RGS7: variants seen among roughly 807,000 people sequenced by gnomAD.
The protein encoded by RGS7 is regulator of G protein signaling 7, also known as regulator of G-protein signaling 7.
In RGS7, 27 loss-of-function variants were observed where a neutral mutation model predicts 81.1. The observed-to-expected ratio is 0.33, with a 90% CI of 0.25 to 0.46. The LOEUF is 0.46. Among genes scored for constraint, RGS7 ranks in the 20% least tolerant of loss-of-function variants. The pLI is 1.00. For missense variants in RGS7, 396 were observed against 607.4 expected, an observed-to-expected ratio of 0.65 and a Z score of 3.66; for synonymous variants, 208 against 207.7, an observed-to-expected ratio of 1.00 and a Z score of -0.01.
At chr1:241,161,783 C>T (rs890950828) in intron 2 of RGS7, among the ~76,000 whole-genome samples, 1 of 150,482 alleles carries the variant, frequency 6.6e-6, no homozygotes, top group Non-Finnish European at 1.5e-5. Flanking sequence ...AATGGCACCA[C>T]CTCGGCTCAC....
chr1:240,848,284 T>C (rs1659459135), intron 9 of RGS7, among the ~76,000 whole-genome samples: 1 of 152,212 alleles, frequency 6.6e-6, no homozygotes, highest in Non-Finnish European at 1.5e-5. Flanking sequence ...CTTTGGAAAA[T>C]GTGCCAATTT....
At chr1:241,288,788 T>C (rs2078949741) in intron 2 of RGS7, among the ~76,000 whole-genome samples, 1 of 152,164 alleles carries the variant, frequency 6.6e-6, no homozygotes, top group Admixed American at 6.6e-5. Flanking sequence ...GTCAAGAAAT[T>C]GAGGACTTGC....
intron 3 of RGS7, among the ~76,000 whole-genome samples, chr1:241,098,359 C>A (rs766792464): frequency 6.6e-6 from 1 of 152,212 alleles, no homozygotes; most frequent in Non-Finnish European, 1.5e-5. Context: ...TTTTCACCCT[C>A]CTAATTTCCA....
intron 3 of RGS7, among the ~76,000 whole-genome samples, chr1:241,007,830 G>T (rs561916956): frequency 6.6e-6 from 1 of 152,240 alleles, no homozygotes; most frequent in Admixed American, 6.5e-5. Context: ...CCAGGTGAGG[G>T]TGGAAAGCAC....
chr1:241,074,831 G>C (rs555504868), intron 3 of RGS7, among the ~76,000 whole-genome samples: 1 of 152,130 alleles, frequency 6.6e-6, no homozygotes, highest in Non-Finnish European at 1.5e-5. Flanking sequence ...CAGTATATGC[G>C]GTAGCTACAA....
At chr1:241,190,084 C>CA (rs1198679760) in intron 2 of RGS7, among the ~76,000 whole-genome samples, 1 of 150,928 alleles carries the variant, frequency 6.6e-6, no homozygotes, top group Non-Finnish European at 1.5e-5. Flanking sequence ...GCCTGGGCGA[C>CA]AGAGCAGACT....
intron 6 of RGS7, among the ~76,000 whole-genome samples, chr1:240,912,917 T>C (rs578232407): frequency 6.6e-6 from 1 of 152,240 alleles, no homozygotes; most frequent in East Asian, 1.9e-4. Flanking sequence ...TCTCTGCTGA[T>C]GGGTTTAGAT....
At position 240,823,188 on chromosome 1, in the gene RGS7, G is replaced by T. The variant is rs1024172486; in HGVS notation, c.684+3910C>A. The T allele has an allele frequency of 1.2e-5, 12 of 977,216 alleles. No homozygotes were observed. The Middle Eastern group carries it at 6.4e-4, about 52-fold the overall frequency. 60.5% of individuals were successfully genotyped at this position (977,216 alleles called of 1,614,324 possible). A position where few individuals can be genotyped will look rare whatever the true frequency, so the allele number is the denominator to read the frequency against. On this transcript the variant is annotated intron_variant, in intron 10 of 18. Transcript: ENST00000440928. ...AGAAGTCCTCTTTGAAGGTATGCAG[G>T]ATAAGCGTGTCCATGGACTTCTTCG...
chr1:241,264,247 C>T (rs1412942896), intron 2 of RGS7, among the ~76,000 whole-genome samples: 1 of 152,124 alleles, frequency 6.6e-6, no homozygotes, highest in African/African-American at 2.4e-5. Context: ...CCTGTAATTC[C>T]AGCACTTTGG....
rs79286043 is a variant in RGS7, at chr1:240,808,721, A to G, written c.1083-2395T>C. On this transcript the variant is annotated intron_variant, in intron 14 of 18. Coordinates refer to ENST00000440928, the MANE Select transcript of RGS7 (RefSeq NM_001364886.1). ...GTAATTATTGTAATAGCTTAATAGC[A>G]TGGAGGAGCCAGGTGCAATGGCTTG... Among the ~76,000 whole-genome samples, 621 of 152,188 alleles carry G rather than the reference A, an allele frequency of 4.1e-3. 6 individuals carry two copies. The highest frequency in any genetic ancestry group is 0.015 in the African/African-American group (605 of 41,534).
At chr1:241,293,563 G>A (rs904653617) in intron 2 of RGS7, among the ~76,000 whole-genome samples, 5 of 151,966 alleles carry the variant, frequency 3.3e-5, no homozygotes, top group Middle Eastern at 3.4e-3. Context: ...CTGCATTTGT[G>A]TCTTAGTTTT....
chr1:241,335,302 C>A (rs1381018784), intron 2 of RGS7, among the ~76,000 whole-genome samples: 1 of 152,050 alleles, frequency 6.6e-6, no homozygotes, highest in Non-Finnish European at 1.5e-5. Context: ...CAAATCAAGC[C>A]CCTAGTAATA....
At chr1:241,131,748 C>T (rs954608008) in intron 2 of RGS7, among the ~76,000 whole-genome samples, 1 of 152,114 alleles carries the variant, frequency 6.6e-6, no homozygotes. Context: ...CAAGCTGGAA[C>T]TGATTATGCA....
intron 2 of RGS7, among the ~76,000 whole-genome samples, chr1:241,162,982 A>G (rs80173996): frequency 0.035 from 5,294 of 152,264 alleles, 301 homozygotes; most frequent in African/African-American, 0.12. Flanking sequence ...GGAAATGACA[A>G]TATTACTTTA....
At chr1:240,973,709 C>G (rs1467343696) in intron 4 of RGS7, among the ~76,000 whole-genome samples, 2 of 151,902 alleles carry the variant, frequency 1.3e-5, no homozygotes, top group Non-Finnish European at 2.9e-5. Flanking sequence ...CCTGCCTCAG[C>G]CTCCTGAGTA....
chr1:241,254,748 T>C lies in RGS7; in HGVS notation c.78+100951A>G, dbSNP rs529401435. ...TGTCAACTATTTATTCTCAGAATAA[T>C]GTTTAACTGAGTAAATTGCAAATCT... On this transcript the variant is annotated intron_variant, in intron 2 of 18. Transcript: ENST00000440928. Among the ~76,000 whole-genome samples the C allele has an allele frequency of 1.2e-4, 19 of 152,354 alleles. 1 individual carries two copies. The South Asian group carries it at 3.1e-3, about 25-fold the overall frequency.
intron 2 of RGS7, among the ~76,000 whole-genome samples, chr1:241,110,014 T>C (rs893270664): frequency 2.6e-5 from 4 of 152,130 alleles, no homozygotes; most frequent in African/African-American, 9.7e-5. Flanking sequence ...ATTAAAATAT[T>C]AAACGTTAAG....
chr1:240,872,663 T>C (rs1294869413), intron 6 of RGS7, among the ~76,000 whole-genome samples: 1 of 152,040 alleles, frequency 6.6e-6, no homozygotes, highest in African/African-American at 2.4e-5. Flanking sequence ...TAGCAGAGAG[T>C]ATCAGCATTG....
Position 241,164,427 on chromosome 1 carries a change from G to A in RGS7, c.79-65665C>T, listed in dbSNP as rs527385756. On this transcript the variant is annotated intron_variant, in intron 2 of 18. Transcript: ENST00000440928. The surrounding 1 kb of genome is among the most constrained non-coding windows in gnomAD (Gnocchi z 4.1). ...CCAATCATGCATTGGTCTTTTCAGC[G>A]TCCGGTCCCCATCCTGAAGCCACCT... Among the ~76,000 whole-genome samples, 26 of 152,062 alleles carry A rather than the reference G, an allele frequency of 1.7e-4. No homozygotes were observed. The highest frequency in any genetic ancestry group is 5.2e-4 in the Admixed American group (8 of 15,266).
Sources: allele counts gnomAD v4.1 joint callset (sites outside exome capture counted in the v4.1 genomes callset), GRCh38; gene constraint gnomAD v4.1.1; non-coding constraint Gnocchi (gnomAD v3.1); transcripts MANE v1.5; gene names NCBI Gene and HGNC (gene_info 2026-07-23, HGNC 2026-07-21).